The following UBE2E2 variants were observed in gnomAD, a reference collection of about 807,000 sequenced individuals.
UBE2E2 encodes ubiquitin conjugating enzyme E2 E2, also known as ubiquitin-conjugating enzyme E2 E2.
In UBE2E2, 6 loss-of-function variants were observed where a neutral mutation model predicts 24.7. The ratio of observed to expected loss-of-function variants is 0.24; its 90% CI spans 0.13 to 0.48. The LOEUF (loss-of-function observed/expected upper bound fraction) is 0.48, where lower values mean the gene tolerates loss of function less well. Among genes scored for constraint, UBE2E2 ranks in the 20% least tolerant of loss-of-function variants. The pLI is 0.99. For missense variants in UBE2E2, 169 were observed against 245.0 expected (o/e 0.69, Z 2.07); for synonymous variants, 104 against 83.6 (o/e 1.24, Z -1.33).
At chr3:23,418,120 C>T (rs1697689248) in intron 3 of UBE2E2, among the ~76,000 whole-genome samples, 1 of 152,200 alleles carries the variant, frequency 6.6e-6, no homozygotes, top group South Asian at 2.1e-4. Context: ...AAAAATCCTG[C>T]AGCTAGCTTG....
chr3:23,357,231 G>A (rs1214342383), intron 3 of UBE2E2, among the ~76,000 whole-genome samples: 19 of 152,196 alleles, frequency 1.2e-4, no homozygotes, highest in Admixed American at 1.2e-3. Context: ...TTTGGGCAGT[G>A]TAAGGTTTTT....
At chr3:23,574,223 G>T (rs1053634425) in intron 5 of UBE2E2, among the ~76,000 whole-genome samples, 1 of 152,112 alleles carries the variant, frequency 6.6e-6, no homozygotes, top group African/African-American at 2.4e-5. Flanking sequence ...ACCAGAGGCT[G>T]GAAAAGGTAG....
intron 4 of UBE2E2, among the ~76,000 whole-genome samples, chr3:23,525,768 T>C (rs1324497664): frequency 6.6e-6 from 1 of 152,204 alleles, no homozygotes; most frequent in East Asian, 1.9e-4. Flanking sequence ...GAAGGATGTA[T>C]AGCTGCCCAG....
chr3:23,570,586 A>G lies in UBE2E2; in HGVS notation c.509-19148A>G, dbSNP rs192193935. Among the ~76,000 whole-genome samples, 219 of 152,300 alleles carry G rather than the reference A, an allele frequency of 1.4e-3. 1 individual carries two copies. Among genetic ancestry groups the G allele is most frequent in the Non-Finnish European group, 2.1e-3 (142 of 68,016 alleles). The stretch of plus-strand genomic sequence containing the variant: ...AATTATAAAATATACAGTACTCTTA[A>G]ATGTAAATTTCATATAGCCAGCTGA... On this transcript the variant is annotated intron_variant, in intron 5 of 5. Coordinates refer to ENST00000396703, the MANE Select transcript of UBE2E2 (RefSeq NM_152653.4).
intron 5 of UBE2E2, among the ~76,000 whole-genome samples, chr3:23,562,734 C>T (rs932333213): frequency 1.1e-4 from 17 of 152,130 alleles, no homozygotes; most frequent in East Asian, 3.8e-4. Context: ...TTAATTATTG[C>T]CTCAATTTCA....
chr3:23,478,212 C>T (rs1156343977), intron 3 of UBE2E2, among the ~76,000 whole-genome samples: 1 of 152,218 alleles, frequency 6.6e-6, no homozygotes, highest in Non-Finnish European at 1.5e-5. Context: ...GACATCATCA[C>T]AGCTGCCTAG....
intron 3 of UBE2E2, among the ~76,000 whole-genome samples, chr3:23,487,667 A>G (rs1479961766): frequency 6.6e-6 from 1 of 152,234 alleles, no homozygotes; most frequent in East Asian, 1.9e-4. Flanking sequence ...GGACAACTGT[A>G]ACATTAAGAA....
At position 23,247,056 on chromosome 3, in the gene UBE2E2, T is replaced by C. The variant is rs80149456; in HGVS notation, c.227+29744T>C. Among the ~76,000 whole-genome samples the C allele has an allele frequency of 2.0e-4, 30 of 152,246 alleles. No homozygotes were observed. In the East Asian group the frequency reaches 4.8e-3, roughly 25 times the overall value. ...TTATTGTAGAGACAGAGTCTTGTTATGTTGCCCACGTTGGTCTTGAAATCC... is the reference window on the plus strand; with the variant it reads ...TTATTGTAGAGACAGAGTCTTGTTACGTTGCCCACGTTGGTCTTGAAATCC... On this transcript the variant is annotated intron_variant, in intron 3 of 5. Transcript: ENST00000396703.
At chr3:23,346,329 A>G (rs985673845) in intron 3 of UBE2E2, among the ~76,000 whole-genome samples, 1 of 152,202 alleles carries the variant, frequency 6.6e-6, no homozygotes, top group African/African-American at 2.4e-5. Context: ...AAAGATTAGT[A>G]CCTTTTATCT....
At chr3:23,475,053 T>A (rs1699098257) in intron 3 of UBE2E2, among the ~76,000 whole-genome samples, 1 of 152,134 alleles carries the variant, frequency 6.6e-6, no homozygotes, top group South Asian at 2.1e-4. Context: ...ACAACACTGT[T>A]GACCACATTC....
chr3:23,553,973 A>G (rs1298348191), intron 5 of UBE2E2, among the ~76,000 whole-genome samples: 1 of 152,160 alleles, frequency 6.6e-6, no homozygotes, highest in Non-Finnish European at 1.5e-5. Flanking sequence ...ATACTACCAA[A>G]AGCAATATGC....
chr3:23,236,795 GTC>G lies in UBE2E2; in HGVS notation c.227+19489_227+19490del, dbSNP rs1697125722. On this transcript the variant is annotated intron_variant, in intron 3 of 5. Transcript: ENST00000396703. ...TTTCCTGTGGATGTGTGGACCGCCT[GTC>G]TCTCTATCTCTTCATGACTTCTGCC... 2.6e-5 allele frequency among the ~76,000 whole-genome samples: 4 copies of G among 152,158 alleles called. No homozygotes were observed. In the South Asian group the frequency reaches 8.3e-4, roughly 32 times the overall value.
At chr3:23,516,603 A>C (rs1287187355) in intron 4 of UBE2E2, among the ~76,000 whole-genome samples, 1 of 152,166 alleles carries the variant, frequency 6.6e-6, no homozygotes, top group Non-Finnish European at 1.5e-5. Context: ...AAAATTCTTA[A>C]ATATTTTTAA....
At chr3:23,378,495 G>T (rs917969495) in intron 3 of UBE2E2, among the ~76,000 whole-genome samples, 1 of 152,126 alleles carries the variant, frequency 6.6e-6, no homozygotes, top group Non-Finnish European at 1.5e-5. Context: ...CCTGTCCTCT[G>T]CAGAGACCAG....
At chr3:23,328,069 TAA>T (rs1266275889) in intron 3 of UBE2E2, among the ~76,000 whole-genome samples, 1 of 151,628 alleles carries the variant, frequency 6.6e-6, no homozygotes, top group African/African-American at 2.4e-5. Flanking sequence ...TCATGATATA[TAA>T]ATACTGAGGA....
intron 3 of UBE2E2, among the ~76,000 whole-genome samples, chr3:23,428,389 G>A (rs922705550): frequency 6.6e-6 from 1 of 152,112 alleles, no homozygotes; most frequent in African/African-American, 2.4e-5. Flanking sequence ...GGGATGCAAC[G>A]AAAACAGTGT....
intron 4 of UBE2E2, 152 bp downstream of exon 4, chr3:23,499,892 A>G (rs1267860002): frequency 2.0e-6 from 2 of 994,378 alleles, no homozygotes; most frequent in Admixed American, 3.8e-5. Context: ...GAAACAATGT[A>G]AAAAATTGTA....
intron 4 of UBE2E2, among the ~76,000 whole-genome samples, chr3:23,520,971 A>G (rs1575682285): frequency 1.3e-5 from 2 of 152,156 alleles, no homozygotes; most frequent in Non-Finnish European, 2.9e-5. Flanking sequence ...ATGTTTAAAT[A>G]TAGTTTACTT....
intron 3 of UBE2E2, among the ~76,000 whole-genome samples, chr3:23,457,659 G>T (rs958522617): frequency 6.6e-6 from 1 of 152,134 alleles, no homozygotes; most frequent in African/African-American, 2.4e-5. Context: ...TGGACTACAG[G>T]CATTCACCAC....
Sources: gnomAD v4.1 joint callset for allele counts (sites outside exome capture counted in the v4.1 genomes callset) on GRCh38, gnomAD v4.1.1 for gene constraint, MANE v1.5 for transcripts, NCBI Gene and HGNC (gene_info 2026-07-23, HGNC 2026-07-21) for gene names.